The following OPRM1 variants were observed in gnomAD, a reference collection of about 807,000 sequenced individuals.
OPRM1 encodes mu-type opioid receptor.
Under a neutral mutation model 31.8 loss-of-function variants are expected in OPRM1, and 27 were observed. That is an observed-to-expected ratio of 0.85 (90% confidence interval 0.63 to 1.17). The LOEUF (loss-of-function observed/expected upper bound fraction) is 1.17. Among genes scored for constraint, OPRM1 ranks in the 50% most tolerant of loss-of-function variants. OPRM1 has a pLI of 0.00. For missense variants in OPRM1, 536 were observed against 511.1 expected (o/e 1.05, Z -0.47); for synonymous variants, 196 against 189.9 (o/e 1.03, Z -0.26).
chr6:154,166,925 A>G (rs755766015), intron 3 of OPRM1, among the ~76,000 whole-genome samples: 2 of 152,150 alleles, frequency 1.3e-5, no homozygotes, highest in Admixed American at 6.5e-5. Flanking sequence ...ATTTCTCTGC[A>G]TTTGTATTAT....
chr6:154,101,217 T>C lies in OPRM1; in HGVS notation c.1164+9745T>C, dbSNP rs183348904. On this transcript the variant is annotated intron_variant, in intron 3 of 3. Transcript: ENST00000330432. Reference sequence around the variant, plus strand: ...ACAATACAATCATCTATTTAACTCATTTCATAATTTGTCGACTTAAGAAGA... The same window carrying C: ...ACAATACAATCATCTATTTAACTCACTTCATAATTTGTCGACTTAAGAAGA... Among the ~76,000 whole-genome samples the C allele has an allele frequency of 3.3e-5, 5 of 152,270 alleles. No individual in the cohort carries two copies. In the East Asian group the frequency reaches 9.6e-4, roughly 29 times the overall value.
chr6:154,023,527 T>C (rs1459123019), intron 1 of OPRM1, among the ~76,000 whole-genome samples: 1 of 152,120 alleles, frequency 6.6e-6, no homozygotes, highest in Non-Finnish European at 1.5e-5. Context: ...TTTTTTCCAA[T>C]TTGGATGCAC....
intron 1 of OPRM1, among the ~76,000 whole-genome samples, chr6:154,011,622 A>C (rs1426831624): frequency 6.6e-6 from 1 of 152,202 alleles, no homozygotes. Flanking sequence ...TTCAAGAAAA[A>C]GTAAAAATTA....
At chr6:154,214,453 C>T (rs1270011416) in intron 3 of OPRM1, 7 of 627,886 alleles carry the variant, frequency 1.1e-5, no homozygotes, top group Non-Finnish European at 2.0e-5. Context: ...CAATACTTTC[C>T]ATACTCAAGG....
Position 154,064,151 on chromosome 6 carries a change from T to C in OPRM1, c.290+24317T>C, listed in dbSNP as rs570968429. On this transcript the variant is annotated intron_variant, in intron 1 of 3. Coordinates refer to ENST00000330432, the MANE Select transcript of OPRM1 (RefSeq NM_000914.5). ...CCACCAACACTTGTTATTTTCTGCT[T>C]TATTTAATAGTAATATTCCTAATGA... Among the ~76,000 whole-genome samples the C allele has an allele frequency of 1.8e-3, 268 of 152,272 alleles. 1 individual carries two copies. The highest frequency in any genetic ancestry group is 3.0e-3 in the Non-Finnish European group (203 of 67,980).
At chr6:154,167,937 A>G (rs1799568548) in intron 3 of OPRM1, 2 of 1,595,582 alleles carry the variant, frequency 1.3e-6, no homozygotes, top group Non-Finnish European at 1.7e-6. Context: ...GTGCTATTCA[A>G]TGTTCGGATT....
At chr6:154,154,604 A>C (rs1562512352) in intron 3 of OPRM1, 1 of 152,246 alleles carries the variant, frequency 6.6e-6, no homozygotes, top group Non-Finnish European at 1.5e-5. Context: ...ATCAAAACGC[A>C]GCCATTAAAC....
At chr6:154,090,263 T>C in intron 2 of OPRM1, 85 bp downstream of exon 2, 1 of 845,672 alleles carries the variant, frequency 1.2e-6, no homozygotes, top group Non-Finnish European at 1.9e-6. Context: ...ATTTATGGAG[T>C]GCCCCATTGT....
chr6:154,120,230 A>G lies in OPRM1; in HGVS notation c.*1509A>G, dbSNP rs1797231082. Among the ~76,000 whole-genome samples the G allele has an allele frequency of 6.6e-6, 1 of 152,178 alleles. No individual in the cohort carries two copies. Among genetic ancestry groups the G allele is most frequent in the African/African-American group, 2.4e-5 (1 of 41,456 alleles). Reference sequence around the variant, plus strand: ...TCCATTGTAAAATTTGTATTTTTTCATCAATCTGACAAGGCACAAATATGT... The same window carrying G: ...TCCATTGTAAAATTTGTATTTTTTCGTCAATCTGACAAGGCACAAATATGT... On this transcript the variant is annotated 3_prime_UTR_variant, in exon 4 of 4. Coordinates refer to ENST00000330432, the MANE Select transcript of OPRM1 (RefSeq NM_000914.5).
intron 3 of OPRM1, chr6:154,212,976 T>C: frequency 8.5e-6 from 6 of 708,660 alleles, no homozygotes; most frequent in South Asian, 6.8e-5. Flanking sequence ...AAAGTTCATA[T>C]CTAATGAACT....
rs1780300350 is a variant in OPRM1 at position 154,238,316 on chromosome 6, C to T, written c.1165-8377C>T. ...TGTTGCCCAGGCTAGAGTGCAATGGCGCTGTCTCGGCTCACTGCAACCTCT... is the reference window on the plus strand; with the variant it reads ...TGTTGCCCAGGCTAGAGTGCAATGGTGCTGTCTCGGCTCACTGCAACCTCT... On this transcript the variant is annotated intron_variant, in intron 3 of 3. Coordinates refer to the OPRM1 transcript ENST00000337049. Among the ~76,000 whole-genome samples, 6 of 152,194 alleles carry T rather than the reference C, an allele frequency of 3.9e-5. 1 individual carries two copies. The South Asian group carries it at 6.2e-4, about 16-fold the overall frequency.
Position 154,091,210 on chromosome 6 carries a change from A to G in OPRM1, c.902A>G (p.Tyr301Cys). The change falls in exon 3 of 4, where the codon TAC becomes TGC. Residue 301 changes from tyrosine to cysteine, a missense_variant. Physicochemically the swap from Tyr to Cys is radical, Grantham distance 194. Coordinates refer to ENST00000330432, the MANE Select transcript of OPRM1 (RefSeq NM_000914.5). ...FIVCWTPIHI[Y>C]VIIKALVTIP... ...GTCTGCTGGACTCCCATTCACATTT[A>G]CGTCATCATTAAAGCCTTGGTTACA... The G allele has an allele frequency of 6.2e-7, 1 of 1,614,128 alleles. No homozygotes were observed. The highest frequency in any genetic ancestry group is 8.5e-7 in the Non-Finnish European group (1 of 1,180,022).
intron 3 of OPRM1, among the ~76,000 whole-genome samples, chr6:154,207,558 G>GT (rs113093778): frequency 0.54 from 81,349 of 150,972 alleles, 22,450 homozygotes; most frequent in East Asian, 0.69. Context: ...AACTTTTTGG[G>GT]GTTTTTTTTG....
intron 3 of OPRM1, among the ~76,000 whole-genome samples, chr6:154,194,854 A>G (rs1201780859): frequency 6.6e-6 from 1 of 152,188 alleles, no homozygotes; most frequent in Admixed American, 6.5e-5. Flanking sequence ...GCCTGAGATC[A>G]ATGCCATTGA....
intron 3 of OPRM1, among the ~76,000 whole-genome samples, chr6:154,207,079 G>T (rs1177945549): frequency 2.0e-5 from 3 of 152,178 alleles, no homozygotes; most frequent in Non-Finnish European, 4.4e-5. Flanking sequence ...AGGGACTAGA[G>T]ACAGGGAAAG....
intron 3 of OPRM1, among the ~76,000 whole-genome samples, chr6:154,229,091 C>T (rs985980041): frequency 6.6e-6 from 1 of 152,206 alleles, no homozygotes; most frequent in Admixed American, 6.5e-5. Flanking sequence ...GCCTCCAGCC[C>T]CAGGGGCGGC....
chr6:154,089,712 A>G, intron 1 of OPRM1, 114 bp from the exon 2 acceptor site: 1 of 686,552 alleles, frequency 1.5e-6, no homozygotes, highest in Non-Finnish European at 2.4e-6. Flanking sequence ...ACAATTCTAT[A>G]TCTAATCTCA....
At chr6:154,022,966 A>G (rs1266645243) in intron 1 of OPRM1, among the ~76,000 whole-genome samples, 6 of 152,076 alleles carry the variant, frequency 3.9e-5, no homozygotes, top group South Asian at 2.1e-4. Context: ...CTGTAGTACA[A>G]TTTGAAGTCA....
At chr6:154,188,523 A>G (rs1418868466) in intron 3 of OPRM1, among the ~76,000 whole-genome samples, 1 of 152,246 alleles carries the variant, frequency 6.6e-6, no homozygotes, top group Non-Finnish European at 1.5e-5. Flanking sequence ...TGTGTGGGTA[A>G]TTTCACTGGG....
Sources: allele counts gnomAD v4.1 joint callset (sites outside exome capture counted in the v4.1 genomes callset), GRCh38; gene constraint gnomAD v4.1.1; transcripts MANE v1.5; gene names NCBI Gene and HGNC (gene_info 2026-07-23, HGNC 2026-07-21).